The following PPP1R10 variants were observed in gnomAD, a reference collection of about 807,000 sequenced individuals.
PPP1R10 encodes the protein protein phosphatase 1 regulatory subunit 10, also known as serine/threonine-protein phosphatase 1 regulatory subunit 10.
In PPP1R10, 15 loss-of-function variants were observed where a neutral mutation model predicts 99.0. The observed-to-expected ratio is 0.15, with a 90% CI of 0.10 to 0.23. The LOEUF (loss-of-function observed/expected upper bound fraction) is 0.23, where lower values mean the gene tolerates loss of function less well. PPP1R10 is among the 10% of genes least tolerant of loss of function. The probability of loss-of-function intolerance (pLI) is 1.00; values close to 1 mark genes in which losing one functional copy is unlikely to be tolerated. For synonymous variants in PPP1R10, 430 were observed against 449.5 expected (o/e 0.96, Z 0.55); for missense variants, 947 against 1,259.4 (o/e 0.75, Z 3.75).
chr6:30,603,859 C>T lies in PPP1R10; in HGVS notation c.1509-16G>A, dbSNP rs765347955. 3.3e-6 allele frequency: 5 copies of T among 1,528,860 alleles called. No individual in the cohort carries two copies. The highest frequency in any genetic ancestry group is 2.3e-5 in the East Asian group (1 of 44,190). The allele number at this position is 1,528,860 out of a possible 1,614,324, so 94.7% of individuals were successfully genotyped here. ...CTCATGAGGACTATCAGGAACAACA[C>T]AGGTGAGAGAAAAAAGAATGATAGT... On this transcript the variant is annotated splice_polypyrimidine_tract_variant and intron_variant, in intron 14 of 19. Transcript: ENST00000376511.
chr6:30,603,507 C>G lies in PPP1R10; in HGVS notation c.1732G>C (p.Gly578Arg). The G allele has an allele frequency of 1.2e-6, 2 of 1,612,680 alleles. No individual in the cohort carries two copies. Among genetic ancestry groups the G allele is most frequent in the Non-Finnish European group, 1.7e-6 (2 of 1,179,470 alleles). Residue 578 changes from glycine (G) to arginine (R), a missense_variant, in exon 16 of 20, where the codon GGC (glycine) becomes CGC (arginine). By Grantham distance (125) the Gly-to-Arg change is moderately radical. This residue lies in a region of PPP1R10 where 525 missense variants were observed against 578.8 expected (regional missense o/e 0.91). Coordinates refer to ENST00000376511, the MANE Select transcript of PPP1R10 (RefSeq NM_002714.4). ...GKGPQGPGGG[G>R]INVQEILTSI... ...GTGAGGATCTCTTGGACATTAATGC[C>G]TCCTCCTCCAGGGCCTTGGGGGCCC...
intron 2 of PPP1R10, among the ~76,000 whole-genome samples, chr6:30,613,122 A>T (rs1354160888): frequency 1.3e-5 from 2 of 152,294 alleles, no homozygotes; most frequent in East Asian, 3.9e-4. Context: ...GGCATTGGGG[A>T]ATTTTCTACC....
chr6:30,615,793 C>T (rs1432786288), intron 2 of PPP1R10, among the ~76,000 whole-genome samples: 4 of 152,156 alleles, frequency 2.6e-5, no homozygotes, highest in Non-Finnish European at 5.9e-5. Flanking sequence ...ACCTCCCCAA[C>T]TATTATCTTG....
rs764444691 is a variant in PPP1R10 at position 30,602,923 on chromosome 6, T to C, written c.1880A>G (p.Asn627Ser). The C allele has an allele frequency of 1.3e-5, 20 of 1,554,724 alleles. No individual in the cohort carries two copies. Among genetic ancestry groups the C allele is most frequent in the African/African-American group, 2.7e-5 (2 of 73,170 alleles). ...CCCAGGACCCCCTGGTGGGAAACCA[T>C]TGGCTATTGGGCCAGGGCCTAGGAG... is the stretch of plus-strand genomic sequence containing the variant. ...HGLLGPGPIA[N>S]GFPPGGPGGP... Residue 627 changes from asparagine (N) to serine (S), a missense_variant, in exon 18 of 20, where the codon AAT becomes AGT. Around this residue, in one of 10 missense-constraint regions of PPP1R10, gnomAD observed 525 missense variants for 578.8 expected, o/e 0.91. Coordinates refer to ENST00000376511, the MANE Select transcript of PPP1R10 (RefSeq NM_002714.4). The surrounding 1 kb of genome is among the most constrained non-coding windows in gnomAD (Gnocchi z 6.7).
At position 30,617,011 on chromosome 6, in the gene PPP1R10, G is replaced by T. The variant is rs1203653840; in HGVS notation, c.-532-13C>A. ...AGAAAATTCAAACCTGGGATAAAAG[G>T]AACACAAGGGAGAAAGATGTAATCA... On this transcript the variant is annotated splice_polypyrimidine_tract_variant and intron_variant, in intron 1 of 19. Transcript: ENST00000376511. The T allele has an allele frequency of 6.6e-6, 1 of 152,136 alleles. No individual in the cohort carries two copies. Among genetic ancestry groups the T allele is most frequent in the Admixed American group, 6.6e-5 (1 of 15,262 alleles). 9.4% of individuals were successfully genotyped at this position (152,136 alleles called of 1,614,324 possible). A position where few individuals can be genotyped will look rare whatever the true frequency, so the allele number is the denominator to read the frequency against.
chr6:30,607,567 G>A (rs1028111040), intron 6 of PPP1R10, among the ~76,000 whole-genome samples: 26 of 152,140 alleles, frequency 1.7e-4, no homozygotes, highest in African/African-American at 6.3e-4. Context: ...CAAATTTTAA[G>A]TGTATGTGTT....
chr6:30,606,063 T>C lies in PPP1R10; in HGVS notation c.741-28A>G. 1 of 1,612,884 alleles carries C rather than the reference T, an allele frequency of 6.2e-7. No individual in the cohort carries two copies. The highest frequency in any genetic ancestry group is 2.2e-5 in the East Asian group (1 of 44,868). ...GTCAGAAGAGGAACTGTCATCAACA[T>C]CTCCGACTCACCCCCTCCTGCTCCC... On this transcript the variant is annotated intron_variant, in intron 9 of 19. Coordinates refer to ENST00000376511, the MANE Select transcript of PPP1R10 (RefSeq NM_002714.4). The surrounding 1 kb of genome is among the most constrained non-coding windows in gnomAD (Gnocchi z 6.3).
At position 30,616,915 on chromosome 6, in the gene PPP1R10, G is replaced by A. The variant is rs960889732; in HGVS notation, c.-449C>T. 4 of 152,352 alleles carry A rather than the reference G, an allele frequency of 2.6e-5. No homozygotes were observed. The highest frequency in any genetic ancestry group is 6.5e-5 in the Admixed American group (1 of 15,294). 9.4% of individuals were successfully genotyped at this position (152,352 alleles called of 1,614,324 possible). A position where few individuals can be genotyped will look rare whatever the true frequency, so the allele number is the denominator to read the frequency against. ...GTTTTCCCTTTCCCCCCTCTCTCAG[G>A]ATCCTTTCAAGGGCTTAGATGTTGC... On this transcript the variant is annotated 5_prime_UTR_variant, in exon 2 of 20. Transcript: ENST00000376511.
At chr6:30,615,445 G>T (rs886325419) in intron 2 of PPP1R10, among the ~76,000 whole-genome samples, 1 of 152,066 alleles carries the variant, frequency 6.6e-6, no homozygotes, top group East Asian at 1.9e-4. Flanking sequence ...GAAGGACTTG[G>T]ACCCCTCTCA....
At chr6:30,612,938 A>T (rs1419322009) in intron 2 of PPP1R10, among the ~76,000 whole-genome samples, 3 of 152,138 alleles carry the variant, frequency 2.0e-5, no homozygotes, top group South Asian at 4.1e-4. Flanking sequence ...CTGGAACCAC[A>T]AGTAATCCAC....
At position 30,602,403 on chromosome 6, in the gene PPP1R10, C is replaced by T; in HGVS notation, c.2246G>A (p.Gly749Asp). The T allele has an allele frequency of 6.2e-7, 1 of 1,611,580 alleles. No individual in the cohort carries two copies. The highest frequency in any genetic ancestry group is 8.5e-7 in the Non-Finnish European group (1 of 1,179,314). The part of the protein sequence containing the change: ...GGPGGGMVGG[G>D]GHRPHEGPGG... ...AGGGCCTTCGTGAGGACGATGCCCA[C>T]CACCTCCAACCATGCCCCCACCAGG... is the stretch of plus-strand genomic sequence containing the variant. Residue 749 changes from glycine (G) to aspartate (D), a missense_variant, in exon 19 of 20, where the codon GGT becomes GAT. Gly to Asp is a moderately conservative substitution (Grantham distance 94, BLOSUM62 -1). This residue lies in a region of PPP1R10 where 525 missense variants were observed against 578.8 expected (regional missense o/e 0.91). Coordinates refer to ENST00000376511, the MANE Select transcript of PPP1R10 (RefSeq NM_002714.4). This position sits in a 1 kb window ranked among gnomAD's most constrained non-coding sequence, Gnocchi z 6.7.
chr6:30,609,282 G>T lies in PPP1R10; in HGVS notation c.108-119C>A. The T allele has an allele frequency of 4.7e-6, 4 of 858,368 alleles. No individual in the cohort carries two copies. The highest frequency in any genetic ancestry group is 7.5e-6 in the Non-Finnish European group (4 of 531,394). 53.2% of individuals were successfully genotyped at this position (858,368 alleles called of 1,614,324 possible). A position where few individuals can be genotyped will look rare whatever the true frequency, so the allele number is the denominator to read the frequency against. On this transcript the variant is annotated intron_variant, in intron 3 of 19. Transcript: ENST00000376511. The surrounding 1 kb of genome is among the most constrained non-coding windows in gnomAD (Gnocchi z 4.5). Reference sequence around the variant, plus strand: ...GACTTGGGACTTTGCTCCAGAGAAGGGGAGTCACATATACCTCTAGGAAGA... The same window carrying T: ...GACTTGGGACTTTGCTCCAGAGAAGTGGAGTCACATATACCTCTAGGAAGA...
At chr6:30,605,805 A>G in intron 10 of PPP1R10, 118 bp downstream of exon 10, 1 of 1,002,888 alleles carries the variant, frequency 1.0e-6, no homozygotes, top group Non-Finnish European at 1.5e-6. Context: ...GCTTGCAGTG[A>G]GCCAAGACCG....
intron 6 of PPP1R10, among the ~76,000 whole-genome samples, chr6:30,607,281 C>T (rs111235478): frequency 0.044 from 6,763 of 152,222 alleles, 275 homozygotes; most frequent in African/African-American, 0.11. Flanking sequence ...TAAAAAGCTA[C>T]GTTAGTTGCT....
At position 30,601,520 on chromosome 6, in the gene PPP1R10, G is replaced by T. The variant is rs750766570; in HGVS notation, c.*29C>A. 6.3e-7 allele frequency: 1 copy of T among 1,577,420 alleles called. No homozygotes were observed. Among genetic ancestry groups the T allele is most frequent in the East Asian group, 2.2e-5 (1 of 44,674 alleles). On this transcript the variant is annotated 3_prime_UTR_variant, in exon 20 of 20. Transcript: ENST00000376511. ...AAGAGCGAGGCTGCAGTCCACAGGGGTTGTGTGAACAGGGCAGGCAAATGG... is the reference window on the plus strand; with the variant it reads ...AAGAGCGAGGCTGCAGTCCACAGGGTTTGTGTGAACAGGGCAGGCAAATGG...
chr6:30,603,181 A>T (rs1234528671), intron 17 of PPP1R10, 29 bp downstream of exon 17: 1 of 1,591,222 alleles, frequency 6.3e-7, no homozygotes, highest in Non-Finnish European at 8.6e-7. Context: ...TTCCTCCCCC[A>T]GTCCCCTGGG....
intron 2 of PPP1R10, among the ~76,000 whole-genome samples, chr6:30,614,255 T>C (rs1804850559): frequency 6.6e-6 from 1 of 151,990 alleles, no homozygotes; most frequent in Admixed American, 6.6e-5. Flanking sequence ...GGAATTTCTT[T>C]TAGAAGGGAA....
chr6:30,605,171 T>A (rs905527543), intron 10 of PPP1R10, 77 bp from the exon 11 acceptor site: 4 of 1,346,678 alleles, frequency 3.0e-6, no homozygotes, highest in Non-Finnish European at 4.2e-6. Flanking sequence ...AGTCCAGGCA[T>A]AAAATGAGCC....
At position 30,606,601 on chromosome 6, in the gene PPP1R10, T is replaced by C; in HGVS notation, c.501A>G (p.Arg167=). 1 of 1,614,244 alleles carries C rather than the reference T, an allele frequency of 6.2e-7. No homozygotes were observed. The highest frequency in any genetic ancestry group is 1.6e-4 in the Middle Eastern group (1 of 6,062). ...TCAAAGGTCGCTCAGGAAGGGTAGTTCGACTTTTTCCTTCATCTTTACGTT... is the reference window on the plus strand; with the variant it reads ...TCAAAGGTCGCTCAGGAAGGGTAGTCCGACTTTTTCCTTCATCTTTACGTT... The part of the protein sequence containing the change: ...KKKRKDEGKS[R]TTLPERPLTE... The change falls in exon 8 of 20, where the codon CGA becomes CGG. Residue 167 remains arginine (R), a synonymous_variant. Transcript: ENST00000376511. This position sits in a 1 kb window ranked among gnomAD's most constrained non-coding sequence, Gnocchi z 6.3.
Sources: allele counts gnomAD v4.1 joint callset (sites outside exome capture counted in the v4.1 genomes callset), GRCh38; gene constraint gnomAD v4.1.1; regional missense constraint gnomAD v4.1.1; non-coding constraint Gnocchi (gnomAD v3.1); transcripts MANE v1.5; gene names NCBI Gene and HGNC (gene_info 2026-07-23, HGNC 2026-07-21).